Variants in TOX observed in about 807,000 individuals in gnomAD.
TOX encodes the protein thymocyte selection-associated high mobility group box protein TOX.
A neutral mutation model predicts 53.7 loss-of-function variants in TOX; 11 were observed. The observed-to-expected ratio is 0.20, with a 90% confidence interval of 0.13 to 0.34. The LOEUF (loss-of-function observed/expected upper bound fraction) is 0.34, where lower values mean the gene tolerates loss of function less well. Among genes scored for constraint, TOX ranks in the 10% least tolerant of loss-of-function variants. TOX has a pLI of 1.00. For synonymous variants in TOX, 225 were observed against 245.3 expected, an observed-to-expected ratio of 0.92 and a Z score of 0.77; for missense variants, 570 against 664.6, an observed-to-expected ratio of 0.86 and a Z score of 1.56.
intron 1 of TOX, among the ~76,000 whole-genome samples, chr8:58,997,583 C>T (rs1813584787): frequency 6.6e-6 from 1 of 152,086 alleles, no homozygotes; most frequent in Non-Finnish European, 1.5e-5. Context: ...TTCCTTTGTC[C>T]CATTCATGTA....
chr8:58,986,333 CA>C (rs755736216), intron 1 of TOX, among the ~76,000 whole-genome samples: 3 of 152,136 alleles, frequency 2.0e-5, no homozygotes, highest in Non-Finnish European at 2.9e-5. Flanking sequence ...TCCCAGTCCG[CA>C]AATTCAGTTT....
At chr8:59,012,430 T>G (rs1354476113) in intron 1 of TOX, among the ~76,000 whole-genome samples, 2 of 151,958 alleles carry the variant, frequency 1.3e-5, no homozygotes, top group Non-Finnish European at 2.9e-5. Flanking sequence ...AGACTTAGCC[T>G]GCCACGAGAG....
chr8:59,059,611 A>G (rs934788656), intron 1 of TOX, among the ~76,000 whole-genome samples: 2 of 152,208 alleles, frequency 1.3e-5, no homozygotes, highest in African/African-American at 4.8e-5. Context: ...AAAGAATCCC[A>G]TATCAGGAGG....
intron 7 of TOX, 103 bp downstream of exon 7, chr8:58,815,235 A>G (rs1469357505): frequency 4.2e-6 from 6 of 1,414,396 alleles, no homozygotes; most frequent in Non-Finnish European, 5.6e-6. Flanking sequence ...AGGATAGAAA[A>G]CACATATCCC....
At chr8:59,027,319 G>C (rs1388154325) in intron 1 of TOX, among the ~76,000 whole-genome samples, 2 of 152,100 alleles carry the variant, frequency 1.3e-5, no homozygotes, top group African/African-American at 4.8e-5. Flanking sequence ...TACAGACCAC[G>C]AAAGTATCCT....
rs1171417604 is a variant in TOX at position 59,076,005 on chromosome 8, CA to C, written c.102+42880del. Among the ~76,000 whole-genome samples the C allele has an allele frequency of 4.4e-3, 441 of 99,534 alleles. 4 individuals are homozygous for C. The highest frequency in any genetic ancestry group is 0.018 in the African/African-American group (369 of 20,224). 65.3% of individuals were successfully genotyped at this position (99,534 alleles called of 152,430 possible). ...GGGCAACAAGAGTGAAACTCCATCT[CA>C]AAAAAAAAAAAAAGGGGGTCAGGAA... On this transcript the variant is annotated intron_variant, in intron 1 of 8. Transcript: ENST00000361421.
intron 3 of TOX, among the ~76,000 whole-genome samples, chr8:58,913,881 T>C (rs1334009337): frequency 1.3e-5 from 2 of 152,124 alleles, no homozygotes; most frequent in Non-Finnish European, 2.9e-5. Flanking sequence ...TTGCTCAAAG[T>C]TAGCTTTCAC....
chr8:59,035,799 A>G (rs1474295641), intron 1 of TOX, among the ~76,000 whole-genome samples: 2 of 152,272 alleles, frequency 1.3e-5, no homozygotes, highest in Non-Finnish European at 2.9e-5. Context: ...TGATGAAACA[A>G]TGATGGTGCA....
At position 58,959,989 on chromosome 8, in the gene TOX, T is replaced by C; in HGVS notation, c.122A>G (p.Tyr41Cys). The stretch of plus-strand genomic sequence containing the variant: ...CTGGCTCGGCTCTGTCATGCTCATA[T>C]ACATGTTCTCACCGTCAAACTGCGA... ...YCNKFDGENM[Y>C]MSMTEPSQDY... Residue 41 changes from tyrosine to cysteine, a missense_variant, in exon 2 of 9, where the codon TAT (tyrosine) becomes TGT (cysteine). Physicochemically the swap from Tyr to Cys is radical, Grantham distance 194. This residue lies in a region of TOX where 282 missense variants were observed against 315.0 expected (regional missense o/e 0.90). Coordinates refer to ENST00000361421, the MANE Select transcript of TOX (RefSeq NM_014729.3). 1 of 1,614,234 alleles carries C rather than the reference T, an allele frequency of 6.2e-7. No homozygotes were observed. The highest frequency in any genetic ancestry group is 8.5e-7 in the Non-Finnish European group (1 of 1,180,028).
At chr8:59,060,490 G>T (rs1176621003) in intron 1 of TOX, among the ~76,000 whole-genome samples, 1 of 152,196 alleles carries the variant, frequency 6.6e-6, no homozygotes, top group African/African-American at 2.4e-5. Context: ...AGCCGGGCGT[G>T]CTGGCACGTG....
chr8:58,907,388 G>A (rs923797840), intron 3 of TOX, among the ~76,000 whole-genome samples: 2 of 152,296 alleles, frequency 1.3e-5, no homozygotes, highest in East Asian at 1.9e-4. Context: ...GAGGTCAGGA[G>A]TTTGAGACCA....
chr8:59,086,906 T>C (rs1804522008), intron 1 of TOX, among the ~76,000 whole-genome samples: 1 of 152,180 alleles, frequency 6.6e-6, no homozygotes, highest in Non-Finnish European at 1.5e-5. Context: ...ATGCAGTAAA[T>C]GGGGATTTAA....
intron 1 of TOX, among the ~76,000 whole-genome samples, chr8:58,984,308 A>T (rs1317382178): frequency 6.6e-6 from 1 of 152,246 alleles, no homozygotes. Flanking sequence ...GAAAGCCAAC[A>T]AATCAACAAC....
chr8:59,108,330 T>C (rs1051003945), intron 1 of TOX, among the ~76,000 whole-genome samples: 11 of 152,116 alleles, frequency 7.2e-5, no homozygotes, highest in Non-Finnish European at 1.2e-4. Flanking sequence ...GCAATGAAAA[T>C]GGTGCAGGGC....
At position 58,939,540 on chromosome 8, in the gene TOX, T is replaced by G; in HGVS notation, c.173A>C (p.Tyr58Ser). The G allele has an allele frequency of 6.2e-7, 1 of 1,606,174 alleles. No individual in the cohort carries two copies. The highest frequency in any genetic ancestry group is 8.5e-7 in the Non-Finnish European group (1 of 1,175,112). Residue 58 changes from tyrosine to serine, a missense_variant, in exon 3 of 9, where the codon TAC becomes TCC. By Grantham distance (144) the Tyr-to-Ser change is moderately radical (BLOSUM62 -2). This residue lies in a region of TOX where 282 missense variants were observed against 315.0 expected (regional missense o/e 0.90). Coordinates refer to ENST00000361421, the MANE Select transcript of TOX (RefSeq NM_014729.3). ...SQDYVPASQS[Y>S]PGPSLESEDF... ...TTCACTTTCCAGGCTTGGACCAGGG[T>G]AGGACTGTGAAAAGACAAAAGTGAC...
rs180683355 is a variant in TOX at position 58,883,127 on chromosome 8, G to C, written c.412-31322C>G. Reference sequence around the variant, plus strand: ...AGTGTCATTAGACATCTATGATGTGGAGCAAGGCACACAGAGCTAGACTCT... The same window carrying C: ...AGTGTCATTAGACATCTATGATGTGCAGCAAGGCACACAGAGCTAGACTCT... On this transcript the variant is annotated intron_variant, in intron 3 of 8. Coordinates refer to ENST00000361421, the MANE Select transcript of TOX (RefSeq NM_014729.3). Among the ~76,000 whole-genome samples the C allele has an allele frequency of 3.8e-4, 58 of 152,230 alleles. No homozygotes were observed. In the Middle Eastern group the frequency reaches 0.02, roughly 54 times the overall value.
chr8:58,838,042 C>T (rs1810576129), intron 5 of TOX, 39 bp downstream of exon 5: 1 of 1,594,516 alleles, frequency 6.3e-7, no homozygotes, highest in African/African-American at 1.3e-5. Flanking sequence ...TGCACAATCT[C>T]AGCTTATGTA....
chr8:58,913,949 T>C (rs964975941), intron 3 of TOX, among the ~76,000 whole-genome samples: 2 of 152,188 alleles, frequency 1.3e-5, no homozygotes, highest in African/African-American at 4.8e-5. Flanking sequence ...TGACAAGAAA[T>C]GGAGAGCACG....
In TOX at chr8:59,086,232, A is replaced by C. The variant is rs559175519; in HGVS notation, c.102+32654T>G. On this transcript the variant is annotated intron_variant, in intron 1 of 8. Coordinates refer to ENST00000361421, the MANE Select transcript of TOX (RefSeq NM_014729.3). ...ACTCCAGACCTCAAGTGATCCACCT[A>C]CCTCGGCCTCCCAAAGGGCTGGGAT... 2.0e-4 allele frequency among the ~76,000 whole-genome samples: 31 copies of C among 151,852 alleles called. No individual in the cohort carries two copies. In the South Asian group the frequency reaches 5.8e-3, roughly 29 times the overall value.
Sources: allele counts gnomAD v4.1 joint callset (sites outside exome capture counted in the v4.1 genomes callset), GRCh38; gene constraint gnomAD v4.1.1; regional missense constraint gnomAD v4.1.1; transcripts MANE v1.5; gene names NCBI Gene and HGNC (gene_info 2026-07-23, HGNC 2026-07-21).